CD274: variants seen among roughly 807,000 people sequenced by gnomAD.
CD274 encodes programmed cell death 1 ligand 1.
In CD274, 8 loss-of-function variants were observed where a neutral mutation model predicts 30.1. The observed-to-expected ratio is 0.27, with a 90% CI of 0.16 to 0.48. The LOEUF (loss-of-function observed/expected upper bound fraction) is 0.48, where lower values mean the gene tolerates loss of function less well. CD274 is among the 20% of genes least tolerant of loss of function. CD274 has a pLI of 0.99. For synonymous variants in CD274, 152 were observed against 124.6 expected (o/e 1.22, Z -1.46); for missense variants, 353 against 346.6 (o/e 1.02, Z -0.15).
rs1387816547 is a variant in CD274, at chr9:5,470,053, GA to G, written c.*2192del. ...TGTCATCACTACACAGCCCTCCTAA[GA>G]GGCTTCCTGGAGGTTTCGAGATTCA... On this transcript the variant is annotated 3_prime_UTR_variant, in exon 7 of 7. Coordinates refer to ENST00000381577, the MANE Select transcript of CD274 (RefSeq NM_014143.4). The G allele has an allele frequency of 1.3e-5, 3 of 232,992 alleles. No homozygotes were observed. The highest frequency in any genetic ancestry group is 2.5e-5 in the Non-Finnish European group (3 of 117,940). 14.4% of individuals were successfully genotyped at this position (232,992 alleles called of 1,614,324 possible).
At position 5,462,931 on chromosome 9, in the gene CD274, A is replaced by G. The variant is rs181557130; in HGVS notation, c.492A>G (p.Glu164=). 3 of 1,614,108 alleles carry G rather than the reference A, an allele frequency of 1.9e-6. No homozygotes were observed. The highest frequency in any genetic ancestry group is 8.5e-7 in the Non-Finnish European group (1 of 1,179,964). The part of the protein sequence containing the change: ...TCQAEGYPKA[E]VIWTSSDHQV... ...AGGCTGAGGGCTACCCCAAGGCCGA[A>G]GTCATCTGGACAAGCAGTGACCATC... Residue 164 remains glutamate, a synonymous_variant, in exon 4 of 7, where the codon GAA becomes GAG. Coordinates refer to ENST00000381577, the MANE Select transcript of CD274 (RefSeq NM_014143.4).
chr9:5,454,908 A>G (rs1193798468), intron 1 of CD274, among the ~76,000 whole-genome samples: 1 of 152,176 alleles, frequency 6.6e-6, no homozygotes, highest in Admixed American at 6.5e-5. Context: ...CATCTTTCAT[A>G]TGTTTACATG....
rs1375478826 is a variant in CD274, at chr9:5,468,373, A to T, written c.*511A>T. The T allele has an allele frequency of 4.3e-6, 1 of 234,946 alleles. No homozygotes were observed. The highest frequency in any genetic ancestry group is 6.0e-5 in the East Asian group (1 of 16,594). The allele number at this position is 234,946 out of a possible 1,614,324, so 14.6% of individuals were successfully genotyped here. The stretch of plus-strand genomic sequence containing the variant: ...TGTCATGTGAGTGTGGTTGTGAATG[A>T]TTTCTTTTGAAGATATATTGTAGTA... On this transcript the variant is annotated 3_prime_UTR_variant, in exon 7 of 7. Transcript: ENST00000381577.
chr9:5,463,215 G>A, intron 4 of CD274, 94 bp downstream of exon 4: 1 of 919,302 alleles, frequency 1.1e-6, no homozygotes, highest in South Asian at 1.5e-5. Context: ...AGTGATTGTT[G>A]AATAAATGAA....
At chr9:5,455,888 T>C (rs868578874) in intron 1 of CD274, among the ~76,000 whole-genome samples, 1 of 148,980 alleles carries the variant, frequency 6.7e-6, no homozygotes, top group African/African-American at 2.6e-5. Flanking sequence ...TTCTCATCTT[T>C]TAGTAACTTT....
intron 2 of CD274, 97 bp downstream of exon 2, chr9:5,456,262 T>C: frequency 1.3e-6 from 1 of 760,482 alleles, no homozygotes. Context: ...GCAATTTTCT[T>C]ATAGAGAGAA....
At chr9:5,458,289 G>A (rs1222918651) in intron 3 of CD274, among the ~76,000 whole-genome samples, 1 of 152,150 alleles carries the variant, frequency 6.6e-6, no homozygotes. Context: ...CTCCCACAAA[G>A]AACAAAAATC....
In CD274 at chr9:5,469,558, T is replaced by C. The variant is rs1201783218; in HGVS notation, c.*1696T>C. On this transcript the variant is annotated 3_prime_UTR_variant, in exon 7 of 7. Transcript: ENST00000381577. ...TGTACTTTGCTATTTTTATTTATTT[T>C]AGTGTTTCTTATATAGCAGATGGAA... The C allele has an allele frequency of 4.3e-6, 1 of 231,724 alleles. No individual in the cohort carries two copies. Among genetic ancestry groups the C allele is most frequent in the Non-Finnish European group, 8.5e-6 (1 of 117,176 alleles). The allele number at this position is 231,724 out of a possible 1,614,324, so 14.4% of individuals were successfully genotyped here.
chr9:5,454,198 G>C (rs1277233696), intron 1 of CD274, among the ~76,000 whole-genome samples: 3 of 151,804 alleles, frequency 2.0e-5, no homozygotes, highest in Admixed American at 2.0e-4. Context: ...TTTTTTTCCT[G>C]ATACTAAAAA....
chr9:5,455,007 A>G (rs1322649190), intron 1 of CD274, among the ~76,000 whole-genome samples: 1 of 151,868 alleles, frequency 6.6e-6, no homozygotes, highest in Non-Finnish European at 1.5e-5. Context: ...TAGTTGTCTT[A>G]TTGATTGTTA....
intron 2 of CD274, 70 bp from the exon 3 acceptor site, chr9:5,457,009 C>A: frequency 9.6e-7 from 1 of 1,044,250 alleles, no homozygotes; most frequent in Non-Finnish European, 1.4e-6. Context: ...GATTTATAAA[C>A]GCTGTGCCAA....
intron 1 of CD274, 113 bp from the exon 2 acceptor site, chr9:5,455,987 C>A: frequency 1.5e-6 from 1 of 680,320 alleles, no homozygotes; most frequent in Non-Finnish European, 2.6e-6. Context: ...ACAAGTCAAT[C>A]ATGACTGGTT....
chr9:5,466,132 T>C (rs1036434225), intron 5 of CD274, among the ~76,000 whole-genome samples: 1 of 152,208 alleles, frequency 6.6e-6, no homozygotes. Context: ...CCATTTAAGA[T>C]GAGTCAGAGT....
At chr9:5,465,883 A>G in intron 5 of CD274, 1 of 229,882 alleles carries the variant, frequency 4.4e-6, no homozygotes, top group Non-Finnish European at 8.5e-6. Context: ...GAAGAGAAAG[A>G]GCTAAAATGC....
chr9:5,467,991 C>T lies in CD274; in HGVS notation c.*129C>T. On this transcript the variant is annotated 3_prime_UTR_variant, in exon 7 of 7. Coordinates refer to ENST00000381577, the MANE Select transcript of CD274 (RefSeq NM_014143.4). ...GCAGGCAATGTGGGACTTAAAAGGC[C>T]CAAGCACTGAAAATGGAACCTGGCG... 2.6e-6 allele frequency: 2 copies of T among 777,862 alleles called. No homozygotes were observed. Among genetic ancestry groups the T allele is most frequent in the Non-Finnish European group, 4.5e-6 (2 of 448,328 alleles). 48.2% of individuals were successfully genotyped at this position (777,862 alleles called of 1,614,324 possible). A position where few individuals can be genotyped will look rare whatever the true frequency, so the allele number is the denominator to read the frequency against.
At chr9:5,460,724 C>T (rs568395515) in intron 3 of CD274, among the ~76,000 whole-genome samples, 21 of 152,276 alleles carry the variant, frequency 1.4e-4, no homozygotes, top group Non-Finnish European at 2.8e-4. Flanking sequence ...GACTTCAAAA[C>T]TATCATGACC....
rs117804945 is a variant in CD274 at position 5,466,332 on chromosome 9, A to G, written c.791-438A>G. 2.5e-4 allele frequency among the ~76,000 whole-genome samples: 38 copies of G among 152,328 alleles called. No homozygotes were observed. The East Asian group carries it at 6.5e-3, about 26-fold the overall frequency. ...TAGAGATAAGCTGTTTCCAAAAATT[A>G]TATTCTTAACAGGACTGAGATAGCC... is the stretch of plus-strand genomic sequence containing the variant. On this transcript the variant is annotated intron_variant, in intron 5 of 6. Coordinates refer to ENST00000381577, the MANE Select transcript of CD274 (RefSeq NM_014143.4).
chr9:5,462,614 T>C (rs1286216671), intron 3 of CD274, among the ~76,000 whole-genome samples: 1 of 152,212 alleles, frequency 6.6e-6, no homozygotes, highest in Non-Finnish European at 1.5e-5. Flanking sequence ...ATGATTTTTA[T>C]AGAAAGATAG....
chr9:5,463,199 T>G, intron 4 of CD274, 78 bp downstream of exon 4: 4 of 1,080,214 alleles, frequency 3.7e-6, no homozygotes, highest in Non-Finnish European at 5.6e-6. Flanking sequence ...CCTATCATAG[T>G]CATTCAGTGA....
Sources: gnomAD v4.1 joint callset for allele counts (sites outside exome capture counted in the v4.1 genomes callset) on GRCh38, gnomAD v4.1.1 for gene constraint, MANE v1.5 for transcripts, NCBI Gene and HGNC (gene_info 2026-07-23, HGNC 2026-07-21) for gene names.